Variants in SCG5 observed in about 807,000 individuals in gnomAD.
The protein encoded by SCG5 is secretogranin V, also known as neuroendocrine protein 7B2.
Under a neutral mutation model 25.7 loss-of-function variants are expected in SCG5, and 18 were observed. The ratio of observed to expected loss-of-function variants is 0.70; its 90% CI spans 0.48 to 1.04. The LOEUF is 1.04. Ranked by LOEUF, SCG5 falls within the 50% of genes least tolerant of loss-of-function variation. SCG5 has a pLI of 0.00. For synonymous variants in SCG5, 101 were observed against 91.7 expected (o/e 1.10, Z -0.58); for missense variants, 206 against 259.8 (o/e 0.79, Z 1.42).
chr15:32,684,344 G>A (rs1462654014), intron 3 of SCG5: 5 of 506,954 alleles, frequency 9.9e-6, no homozygotes, highest in African/African-American at 2.0e-5. Flanking sequence ...TGGGTTTGGT[G>A]AACAGCCAGT....
rs1279094254 is a variant in SCG5, at chr15:32,696,527, A to G, written c.557A>G (p.Tyr186Cys). 7.4e-6 allele frequency: 12 copies of G among 1,611,582 alleles called. No individual in the cohort carries two copies. The highest frequency in any genetic ancestry group is 1.0e-5 in the Non-Finnish European group (12 of 1,178,446). Residue 186 changes from tyrosine to cysteine, a missense_variant, in exon 6 of 6, where the codon TAT becomes TGT. By Grantham distance (194) the Tyr-to-Cys change is radical. Coordinates refer to ENST00000300175, the MANE Select transcript of SCG5 (RefSeq NM_001144757.3). The part of the protein sequence containing the change: ...ERRKRRSVNP[Y>C]LQGQRLDNVV... ...TTTGTTTTTCAGAGTGTCAATCCAT[A>G]TCTACAAGGACAGAGACTGGATAAT...
chr15:32,684,080 C>T (rs2054662098), intron 3 of SCG5, among the ~76,000 whole-genome samples: 1 of 152,192 alleles, frequency 6.6e-6, no homozygotes, highest in Non-Finnish European at 1.5e-5. Context: ...GCCATCTTTA[C>T]ACTTGACCCC....
chr15:32,664,418 C>T (rs897661805), intron 2 of SCG5, among the ~76,000 whole-genome samples: 56 of 152,244 alleles, frequency 3.7e-4, no homozygotes, highest in African/African-American at 1.3e-3. Context: ...GGCTACAAAA[C>T]TAATTGATTT....
At chr15:32,650,519 A>T (rs1308973898) in intron 2 of SCG5, among the ~76,000 whole-genome samples, 1 of 152,210 alleles carries the variant, frequency 6.6e-6, no homozygotes, top group Non-Finnish European at 1.5e-5. Context: ...ACTGGTCTCC[A>T]AGACATAGCT....
chr15:32,644,360 G>A (rs1343122568), intron 2 of SCG5, among the ~76,000 whole-genome samples: 2 of 152,010 alleles, frequency 1.3e-5, no homozygotes, highest in Non-Finnish European at 1.5e-5. Context: ...GACAAAAGAG[G>A]TACTGACATT....
chr15:32,696,450 A>T lies in SCG5; in HGVS notation c.544-64A>T, dbSNP rs927326099. On this transcript the variant is annotated intron_variant, in intron 5 of 5. Coordinates refer to ENST00000300175, the MANE Select transcript of SCG5 (RefSeq NM_001144757.3). Reference sequence around the variant, plus strand: ...GATTCTTGTTCATTTCTTTTCTGAGATGTCTGTATCTGATGTTCACATATA... The same window carrying T: ...GATTCTTGTTCATTTCTTTTCTGAGTTGTCTGTATCTGATGTTCACATATA... 3.5e-6 allele frequency: 4 copies of T among 1,134,254 alleles called. No homozygotes were observed. In the South Asian group the frequency reaches 5.3e-5, roughly 15 times the overall value. 70.3% of individuals were successfully genotyped at this position (1,134,254 alleles called of 1,614,324 possible).
At chr15:32,658,456 G>C (rs2054161525) in intron 2 of SCG5, among the ~76,000 whole-genome samples, 1 of 152,212 alleles carries the variant, frequency 6.6e-6, no homozygotes, top group Non-Finnish European at 1.5e-5. Flanking sequence ...AGTAAGAAGT[G>C]AAAAGAAACA....
intron 2 of SCG5, among the ~76,000 whole-genome samples, chr15:32,677,378 A>C (rs768220649): frequency 1.3e-5 from 2 of 152,240 alleles, no homozygotes; most frequent in African/African-American, 4.8e-5. Context: ...TCAGAGAGAA[A>C]ATATGATCCC....
At chr15:32,657,818 C>T (rs1318850174) in intron 2 of SCG5, among the ~76,000 whole-genome samples, 2 of 152,136 alleles carry the variant, frequency 1.3e-5, no homozygotes, top group African/African-American at 2.4e-5. Flanking sequence ...AACTGTGGCC[C>T]TGATATGTTT....
intron 4 of SCG5, among the ~76,000 whole-genome samples, chr15:32,688,981 A>G (rs2054789058): frequency 6.6e-6 from 1 of 151,796 alleles, no homozygotes; most frequent in African/African-American, 2.4e-5. Context: ...AAAAGAAATT[A>G]ATAGTTACTC....
At chr15:32,649,587 C>T (rs565688857) in intron 2 of SCG5, among the ~76,000 whole-genome samples, 1 of 152,056 alleles carries the variant, frequency 6.6e-6, no homozygotes, top group Non-Finnish European at 1.5e-5. Context: ...GGTAGCCAGC[C>T]TCCTGGTCGT....
chr15:32,688,149 A>G (rs981221706), intron 4 of SCG5, among the ~76,000 whole-genome samples: 3 of 152,060 alleles, frequency 2.0e-5, no homozygotes, highest in African/African-American at 7.2e-5. Flanking sequence ...TTCATGGCTC[A>G]TTGCTCCTAA....
Position 32,693,194 on chromosome 15 carries a change from T to C in SCG5, c.543+1431T>C, listed in dbSNP as rs545834895. ...AAAATCAATAACTTAGCTTGAAACTTTAATTGTCTCTACTTCCTGGCCCAC... is the reference window on the plus strand; with the variant it reads ...AAAATCAATAACTTAGCTTGAAACTCTAATTGTCTCTACTTCCTGGCCCAC... On this transcript the variant is annotated intron_variant, in intron 5 of 5. Coordinates refer to ENST00000300175, the MANE Select transcript of SCG5 (RefSeq NM_001144757.3). Among the ~76,000 whole-genome samples, 31 of 152,318 alleles carry C rather than the reference T, an allele frequency of 2.0e-4. No homozygotes were observed. In the South Asian group the frequency reaches 3.7e-3, roughly 18 times the overall value.
intron 2 of SCG5, among the ~76,000 whole-genome samples, chr15:32,650,400 G>A (rs997962627): frequency 3.9e-5 from 6 of 152,120 alleles, no homozygotes; most frequent in African/African-American, 9.6e-5. Context: ...CACGCCCGGC[G>A]CCCCAGTCTT....
intron 2 of SCG5, among the ~76,000 whole-genome samples, chr15:32,656,770 C>T (rs1443482775): frequency 6.6e-6 from 1 of 152,242 alleles, no homozygotes; most frequent in East Asian, 1.9e-4. Flanking sequence ...TTGGGCACCA[C>T]AGTTCGTAAA....
At position 32,696,272 on chromosome 15, in the gene SCG5, C is replaced by T. The variant is rs531313819; in HGVS notation, c.544-242C>T. ...AGCTGGGACTACAGGCACCCACCAC[C>T]ACGCCCGGCTAATTTTTTGTATTTT... On this transcript the variant is annotated intron_variant, in intron 5 of 5. Coordinates refer to ENST00000300175, the MANE Select transcript of SCG5 (RefSeq NM_001144757.3). Among the ~76,000 whole-genome samples the T allele has an allele frequency of 4.8e-3, 734 of 152,262 alleles. 7 individuals are homozygous for T. Among genetic ancestry groups the T allele is most frequent in the Non-Finnish European group, 8.5e-3 (580 of 68,008 alleles).
At chr15:32,683,772 A>G (rs2054656286) in intron 3 of SCG5, among the ~76,000 whole-genome samples, 1 of 152,148 alleles carries the variant, frequency 6.6e-6, no homozygotes, top group Non-Finnish European at 1.5e-5. Context: ...CTCTTGTCTG[A>G]CTCCAAAGCT....
chr15:32,667,153 A>T (rs1341563130), intron 2 of SCG5, among the ~76,000 whole-genome samples: 1 of 152,234 alleles, frequency 6.6e-6, no homozygotes, highest in African/African-American at 2.4e-5. Flanking sequence ...AAGTGAGAAG[A>T]CTAGACAATT....
At chr15:32,682,145 C>T (rs991431179) in intron 3 of SCG5, among the ~76,000 whole-genome samples, 1 of 152,156 alleles carries the variant, frequency 6.6e-6, no homozygotes, top group Non-Finnish European at 1.5e-5. Flanking sequence ...TCCAGGACCA[C>T]CAGCAGCAGC....
Sources: gnomAD v4.1 joint callset for allele counts (sites outside exome capture counted in the v4.1 genomes callset) on GRCh38, gnomAD v4.1.1 for gene constraint, MANE v1.5 for transcripts, NCBI Gene and HGNC (gene_info 2026-07-23, HGNC 2026-07-21) for gene names.